LRRTM3: variants seen among roughly 807,000 people sequenced by gnomAD.
LRRTM3 encodes the protein leucine-rich repeat transmembrane neuronal protein 3.
A neutral mutation model predicts 44.7 loss-of-function variants in LRRTM3; 24 were observed. The ratio of observed to expected loss-of-function variants is 0.54; its 90% CI spans 0.39 to 0.76. LRRTM3 has a LOEUF of 0.76. Among genes scored for constraint, LRRTM3 ranks in the 30% least tolerant of loss-of-function variants. The pLI, the probability that LRRTM3 is intolerant of heterozygous loss-of-function variation, is 0.00. For missense variants in LRRTM3, 587 were observed against 702.2 expected (o/e 0.84, Z 1.85); for synonymous variants, 277 against 278.7 (o/e 0.99, Z 0.06).
intron 2 of LRRTM3, among the ~76,000 whole-genome samples, chr10:66,959,216 C>G (rs561830817): frequency 6.6e-6 from 1 of 152,276 alleles, no homozygotes; most frequent in African/African-American, 2.4e-5. Flanking sequence ...ATCTTTTATT[C>G]TCTTCAAAAC....
intron 2 of LRRTM3, among the ~76,000 whole-genome samples, chr10:67,056,765 C>G (rs1025588554): frequency 1.3e-5 from 2 of 152,142 alleles, no homozygotes; most frequent in Admixed American, 6.5e-5. Context: ...CTTTATATGA[C>G]AACTATGATA....
In LRRTM3 at chr10:66,986,072, A is replaced by G. The variant is rs574862435; in HGVS notation, c.1536+57620A>G. On this transcript the variant is annotated intron_variant, in intron 2 of 2. Coordinates refer to ENST00000361320, the MANE Select transcript of LRRTM3 (RefSeq NM_178011.5). ...TTTGCATTGTACTTACAATTTTGATATTTTCTTTTTAGTTTGTGCATCTGT... is the reference window on the plus strand; with the variant it reads ...TTTGCATTGTACTTACAATTTTGATGTTTTCTTTTTAGTTTGTGCATCTGT... 1.8e-3 allele frequency among the ~76,000 whole-genome samples: 268 copies of G among 152,006 alleles called. 1 individual carries two copies. Among genetic ancestry groups the G allele is most frequent in the Non-Finnish European group, 2.1e-3 (146 of 67,972 alleles).
intron 2 of LRRTM3, among the ~76,000 whole-genome samples, chr10:66,958,822 G>T (rs918979371): frequency 1.3e-5 from 2 of 152,078 alleles, no homozygotes; most frequent in African/African-American, 4.8e-5. Flanking sequence ...AAGAAGGAAA[G>T]GAATTAAAAT....
intron 2 of LRRTM3, among the ~76,000 whole-genome samples, chr10:67,094,468 G>A (rs147191223): frequency 6.6e-6 from 1 of 151,544 alleles, no homozygotes; most frequent in Non-Finnish European, 1.5e-5. Flanking sequence ...TAGTAATTGG[G>A]GGAACAGTGT....
At chr10:67,059,890 T>C (rs1048605822) in intron 2 of LRRTM3, among the ~76,000 whole-genome samples, 3 of 152,190 alleles carry the variant, frequency 2.0e-5, no homozygotes, top group Non-Finnish European at 4.4e-5. Context: ...GATATGTAAA[T>C]ATTTTAGGTG....
intron 2 of LRRTM3, among the ~76,000 whole-genome samples, chr10:67,055,460 G>A (rs909074231): frequency 1.3e-5 from 2 of 152,072 alleles, no homozygotes; most frequent in Non-Finnish European, 2.9e-5. Context: ...AAAGCAAATA[G>A]GTAGGTGTTG....
chr10:66,934,975 C>T lies in LRRTM3; in HGVS notation c.1536+6523C>T, dbSNP rs527667884. Among the ~76,000 whole-genome samples, 10 of 152,184 alleles carry T rather than the reference C, an allele frequency of 6.6e-5. No individual in the cohort carries two copies. In the South Asian group the frequency reaches 2.1e-3, roughly 32 times the overall value. On this transcript the variant is annotated intron_variant, in intron 2 of 2. Coordinates refer to ENST00000361320, the MANE Select transcript of LRRTM3 (RefSeq NM_178011.5). Reference sequence around the variant, plus strand: ...GGAGCAGAATGAAAATGTCATCAGACAGTGAAGCTACAGTATCATGAGGCT... The same window carrying T: ...GGAGCAGAATGAAAATGTCATCAGATAGTGAAGCTACAGTATCATGAGGCT...
At chr10:66,993,105 C>G (rs979166461) in intron 2 of LRRTM3, among the ~76,000 whole-genome samples, 2 of 152,072 alleles carry the variant, frequency 1.3e-5, no homozygotes, top group Non-Finnish European at 1.5e-5. Flanking sequence ...TCATGAGGTC[C>G]AAAATAGCCT....
chr10:67,046,397 G>T (rs948398228), intron 2 of LRRTM3, among the ~76,000 whole-genome samples: 1 of 152,290 alleles, frequency 6.6e-6, no homozygotes, highest in African/African-American at 2.4e-5. Flanking sequence ...CTCTACCAGA[G>T]TAACTGAAAC....
intron 2 of LRRTM3, among the ~76,000 whole-genome samples, chr10:66,980,442 T>C (rs1850352650): frequency 1.4e-5 from 2 of 143,218 alleles, no homozygotes; most frequent in Admixed American, 1.4e-4. Flanking sequence ...CAGCTGTCAC[T>C]GGCCTTTTCT....
At chr10:67,074,354 T>C (rs1424301403) in intron 2 of LRRTM3, among the ~76,000 whole-genome samples, 2 of 132,252 alleles carry the variant, frequency 1.5e-5, no homozygotes, top group African/African-American at 2.9e-5. Context: ...TTTTTTTTTT[T>C]TTTTTTTTTT....
chr10:67,010,913 G>A (rs1852284313), intron 2 of LRRTM3, among the ~76,000 whole-genome samples: 1 of 151,986 alleles, frequency 6.6e-6, no homozygotes, highest in African/African-American at 2.4e-5. Context: ...CCTAACAATT[G>A]AATTGACATT....
intron 2 of LRRTM3, among the ~76,000 whole-genome samples, chr10:67,026,872 T>C (rs892319157): frequency 6.6e-6 from 1 of 152,214 alleles, no homozygotes; most frequent in African/African-American, 2.4e-5. Context: ...TTTCCTCATA[T>C]ATCTCCTTAA....
chr10:66,926,817 T>C (rs1847104941), intron 1 of LRRTM3, 104 bp from the exon 2 acceptor site: 2 of 1,076,282 alleles, frequency 1.9e-6, no homozygotes, highest in Non-Finnish European at 2.6e-6. Flanking sequence ...AAGTGTTATT[T>C]AGATTTAAAT....
intron 2 of LRRTM3, among the ~76,000 whole-genome samples, chr10:67,018,268 C>T (rs4745923): frequency 0.9 from 137,328 of 152,140 alleles, 62,404 homozygotes; most frequent in South Asian, 0.97. Context: ...CCAACTACAG[C>T]AAATGTCTAT....
At position 66,926,693 on chromosome 10, in the gene LRRTM3, G is replaced by T. The variant is rs1284925727; in HGVS notation, c.4+106G>T. On this transcript the variant is annotated intron_variant, in intron 1 of 2. Transcript: ENST00000361320. ...ATTATTTTAGAGATTACCTTGCTCT[G>T]CTCTAAGACTATGAATTTATTTGCT... 5 of 1,298,046 alleles carry T rather than the reference G, an allele frequency of 3.9e-6. 1 individual carries two copies. In the South Asian group the frequency reaches 5.2e-5, roughly 14 times the overall value. The allele number at this position is 1,298,046 out of a possible 1,614,324, so 80.4% of individuals were successfully genotyped here. A position where few individuals can be genotyped will look rare whatever the true frequency, so the allele number is the denominator to read the frequency against.
At chr10:67,086,220 TC>T (rs959180963) in intron 2 of LRRTM3, among the ~76,000 whole-genome samples, 1 of 152,026 alleles carries the variant, frequency 6.6e-6, no homozygotes, top group Non-Finnish European at 1.5e-5. Context: ...TAGCAATACC[TC>T]ATCCCTATAA....
Position 67,055,438 on chromosome 10 carries a change from G to A in LRRTM3, c.1537-42149G>A, listed in dbSNP as rs560071312. Among the ~76,000 whole-genome samples, 642 of 152,070 alleles carry A rather than the reference G, an allele frequency of 4.2e-3. 5 individuals carry two copies. Among genetic ancestry groups the A allele is most frequent in the African/African-American group, 0.015 (614 of 41,480 alleles). On this transcript the variant is annotated intron_variant, in intron 2 of 2. Coordinates refer to ENST00000361320, the MANE Select transcript of LRRTM3 (RefSeq NM_178011.5). ...GAACTTTACACAGTTCCTGTCCAAA[G>A]GGATAATTAACAAAGCAAATAGGTA...
intron 2 of LRRTM3, among the ~76,000 whole-genome samples, chr10:66,972,436 C>T (rs1849774280): frequency 6.6e-6 from 1 of 151,970 alleles, no homozygotes; most frequent in Non-Finnish European, 1.5e-5. Context: ...ACCTAAGGCA[C>T]GCACCACTGT....
Sources: gnomAD v4.1 joint callset for allele counts (sites outside exome capture counted in the v4.1 genomes callset) on GRCh38, gnomAD v4.1.1 for gene constraint, MANE v1.5 for transcripts, NCBI Gene and HGNC (gene_info 2026-07-23, HGNC 2026-07-21) for gene names.